The following MAML3 variants were observed in gnomAD, a reference collection of about 807,000 sequenced individuals.
The protein encoded by MAML3 is mastermind like transcriptional coactivator 3.
Under a neutral mutation model 101.9 loss-of-function variants are expected in MAML3, and 27 were observed. That is an observed-to-expected ratio of 0.27 (90% CI 0.20 to 0.37). The LOEUF is 0.37. Ranked by LOEUF, MAML3 falls within the 10% of genes least tolerant of loss-of-function variation. The pLI, the probability that MAML3 is intolerant of heterozygous loss-of-function variation, is 1.00. For synonymous variants in MAML3, 501 were observed against 555.9 expected, an observed-to-expected ratio of 0.90 and a Z score of 1.39; for missense variants, 1,316 against 1,444.9, an observed-to-expected ratio of 0.91 and a Z score of 1.45.
At chr4:140,017,113 A>G (rs1726654465) in intron 1 of MAML3, among the ~76,000 whole-genome samples, 2 of 152,218 alleles carry the variant, frequency 1.3e-5, no homozygotes, top group African/African-American at 2.4e-5. Flanking sequence ...GCAGTAAGAA[A>G]ACATTCCAAT....
At chr4:139,968,724 T>C (rs971238841) in intron 1 of MAML3, among the ~76,000 whole-genome samples, 1 of 152,126 alleles carries the variant, frequency 6.6e-6, no homozygotes, top group East Asian at 1.9e-4. Context: ...AATCCTGTAG[T>C]TCCACTCCAG....
chr4:140,056,359 CTTT>C (rs531466780), intron 1 of MAML3, among the ~76,000 whole-genome samples: 1 of 143,778 alleles, frequency 7.0e-6, no homozygotes. Context: ...CTTTTCTTTT[CTTT>C]TTTTTTTTTT....
At position 139,890,249 on chromosome 4, in the gene MAML3, G is replaced by C. The variant is rs1732445584; in HGVS notation, c.1187C>G (p.Ser396Cys). 1.2e-6 allele frequency: 2 copies of C among 1,613,742 alleles called. No individual in the cohort carries two copies. Among genetic ancestry groups the C allele is most frequent in the Admixed American group, 1.7e-5 (1 of 60,010 alleles). ...TGGAGCTGCGGGAGTGCTGGCAACA[G>C]AAGGTAAACTAGTGGCCGTGGAGAC... Reference protein sequence around the residue: ...STVSTATSLPSVASTPAAPNP... With the variant: ...STVSTATSLPCVASTPAAPNP... The change falls in exon 2 of 5, where the codon TCT becomes TGT. Residue 396 changes from serine (S) to cysteine (C), a missense_variant. Ser to Cys is a moderately radical substitution (Grantham distance 112, BLOSUM62 -1). Coordinates refer to ENST00000509479, the MANE Select transcript of MAML3 (RefSeq NM_018717.5). The surrounding 1 kb of genome is among the most constrained non-coding windows in gnomAD (Gnocchi z 4.1).
chr4:139,912,941 T>A (rs1486260559), intron 1 of MAML3, among the ~76,000 whole-genome samples: 1 of 150,124 alleles, frequency 6.7e-6, no homozygotes, highest in African/African-American at 2.5e-5. Flanking sequence ...CCCTAGGAAC[T>A]AATATAGCCA....
At chr4:140,094,967 C>T (rs1041287051) in intron 1 of MAML3, among the ~76,000 whole-genome samples, 2 of 152,206 alleles carry the variant, frequency 1.3e-5, no homozygotes, top group Non-Finnish European at 2.9e-5. Flanking sequence ...GGACGCTTGC[C>T]ACTGAGTGCC....
At chr4:140,036,457 A>G (rs750604699) in intron 1 of MAML3, among the ~76,000 whole-genome samples, 1 of 152,232 alleles carries the variant, frequency 6.6e-6, no homozygotes, top group Non-Finnish European at 1.5e-5. Context: ...GAAAACAGCC[A>G]TGCCACTGCT....
At chr4:139,942,156 C>T (rs990556129) in intron 1 of MAML3, among the ~76,000 whole-genome samples, 3 of 145,794 alleles carry the variant, frequency 2.1e-5, no homozygotes, top group Admixed American at 6.8e-5. Context: ...GAAGGAAGGA[C>T]GGAGGGAGGG....
chr4:139,917,006 G>T (rs908781718), intron 1 of MAML3, among the ~76,000 whole-genome samples: 1 of 152,150 alleles, frequency 6.6e-6, no homozygotes, highest in African/African-American at 2.4e-5. Flanking sequence ...TTTTTAAACT[G>T]GAGGTTTACA....
At chr4:139,875,916 CAAAAAAAA>C (rs57104878) in intron 2 of MAML3, among the ~76,000 whole-genome samples, 14 of 81,572 alleles carry the variant, frequency 1.7e-4, no homozygotes, top group Non-Finnish European at 2.4e-4. Context: ...TCACAAACAG[CAAAAAAAA>C]AAAAAAAAAA....
At position 140,073,267 on chromosome 4, in the gene MAML3, AGCTGGGATTATAGGC is replaced by A. The variant is rs557791290; in HGVS notation, c.468+79578_468+79592del. ...ATTCTCGTGCCTCAACCTCCCAAGT[AGCTGGGATTATAGGC>A]GCCTGCCACCATGCCCGGCTAATTT... On this transcript the variant is annotated intron_variant, in intron 1 of 4. Coordinates refer to ENST00000509479, the MANE Select transcript of MAML3 (RefSeq NM_018717.5). Among the ~76,000 whole-genome samples, 312 of 151,974 alleles carry A rather than the reference AGCTGGGATTATAGGC, an allele frequency of 2.1e-3. 2 individuals carry two copies. Among genetic ancestry groups the A allele is most frequent in the African/African-American group, 6.5e-3 (270 of 41,448 alleles).
chr4:139,720,252 C>T lies in MAML3; in HGVS notation c.2488G>A (p.Ala830Thr). The T allele has an allele frequency of 6.2e-7, 1 of 1,600,652 alleles. No homozygotes were observed. Among genetic ancestry groups the T allele is most frequent in the Non-Finnish European group, 8.5e-7 (1 of 1,171,436 alleles). Residue 830 changes from alanine to threonine, a missense_variant, in exon 5 of 5, where the codon GCA (alanine) becomes ACA (threonine). Physicochemically the swap from Ala to Thr is moderately conservative, Grantham distance 58. Transcript: ENST00000509479. ...ATTCCCATCATGCCTGCGTTCTGTG[C>T]CATCAGCCGTGACGTTCGCATGCTC... ...LQSMRTSRLMAQNAGMMGIGP... is the reference protein window; with the variant it reads ...LQSMRTSRLMTQNAGMMGIGP...
intron 2 of MAML3, among the ~76,000 whole-genome samples, chr4:139,798,489 GC>G (rs1730555460): frequency 6.6e-6 from 1 of 152,154 alleles, no homozygotes; most frequent in African/African-American, 2.4e-5. Flanking sequence ...TACCACACTG[GC>G]CCACCTTCAA....
intron 1 of MAML3, among the ~76,000 whole-genome samples, chr4:139,929,224 G>C (rs1289663371): frequency 6.6e-6 from 1 of 152,170 alleles, no homozygotes; most frequent in African/African-American, 2.4e-5. Flanking sequence ...ATATCAAACA[G>C]TGCTGTTACT....
chr4:139,849,356 A>G (rs552277031), intron 2 of MAML3, among the ~76,000 whole-genome samples: 3 of 152,310 alleles, frequency 2.0e-5, no homozygotes, highest in South Asian at 4.1e-4. Flanking sequence ...CTGCTTGGCT[A>G]TGATTGGTCC....
At chr4:139,877,143 T>C (rs766993550) in intron 2 of MAML3, among the ~76,000 whole-genome samples, 4 of 152,278 alleles carry the variant, frequency 2.6e-5, no homozygotes, top group South Asian at 2.1e-4. Context: ...TATAGGTAAA[T>C]TGCATAATCT....
chr4:139,940,764 A>C (rs2110738145), intron 1 of MAML3, among the ~76,000 whole-genome samples: 1 of 152,282 alleles, frequency 6.6e-6, no homozygotes, highest in African/African-American at 2.4e-5. Context: ...CTTCACATAC[A>C]CAACATGATG....
At chr4:140,104,034 T>C (rs2111000055) in intron 1 of MAML3, among the ~76,000 whole-genome samples, 1 of 152,184 alleles carries the variant, frequency 6.6e-6, no homozygotes, top group African/African-American at 2.4e-5. Flanking sequence ...ACGTGCACTG[T>C]TGTACACATC....
chr4:140,060,846 C>T (rs1418007463), intron 1 of MAML3, among the ~76,000 whole-genome samples: 2 of 152,034 alleles, frequency 1.3e-5, no homozygotes, highest in South Asian at 2.1e-4. Flanking sequence ...TAACAATCAG[C>T]GTGACCACAT....
chr4:140,138,911 C>A (rs62345610), intron 1 of MAML3, among the ~76,000 whole-genome samples: 3 of 152,306 alleles, frequency 2.0e-5, no homozygotes, highest in Non-Finnish European at 4.4e-5. Flanking sequence ...TCTCAAATTT[C>A]TTTGCGTATA....
Sources: allele counts gnomAD v4.1 joint callset (sites outside exome capture counted in the v4.1 genomes callset), GRCh38; gene constraint gnomAD v4.1.1; non-coding constraint Gnocchi (gnomAD v3.1); transcripts MANE v1.5; gene names NCBI Gene and HGNC (gene_info 2026-07-23, HGNC 2026-07-21).